Variants in ADK observed in about 807,000 individuals in gnomAD.
ADK encodes the protein N6,N6-dimethyladenosine kinase.
Under a neutral mutation model 44.7 loss-of-function variants are expected in ADK, and 24 were observed. That is an observed-to-expected ratio of 0.54 (90% CI 0.39 to 0.76). The LOEUF (loss-of-function observed/expected upper bound fraction) is 0.76, where lower values mean the gene tolerates loss of function less well. Ranked by LOEUF, ADK falls within the 30% of genes least tolerant of loss-of-function variation. ADK has a pLI of 0.00. For synonymous variants in ADK, 128 were observed against 142.6 expected (o/e 0.90, Z 0.73); for missense variants, 321 against 425.1 (o/e 0.76, Z 2.15).
chr10:74,540,282 C>A (rs893673442), intron 7 of ADK, among the ~76,000 whole-genome samples: 4 of 152,062 alleles, frequency 2.6e-5, no homozygotes, highest in African/African-American at 4.8e-5. Context: ...CGGAGATAAT[C>A]ATATTTTATG....
At chr10:74,622,427 T>TAAA (rs906694874) in intron 9 of ADK, among the ~76,000 whole-genome samples, 1 of 149,222 alleles carries the variant, frequency 6.7e-6, no homozygotes, top group East Asian at 2.0e-4. Context: ...CTTCTTTATT[T>TAAA]AAAAAAAAAA....
At chr10:74,638,367 A>G (rs1338191563) in intron 9 of ADK, among the ~76,000 whole-genome samples, 1 of 152,168 alleles carries the variant, frequency 6.6e-6, no homozygotes, top group African/African-American at 2.4e-5. Flanking sequence ...AATACTTTCA[A>G]TAAAGCTTTT....
chr10:74,505,044 G>A (rs916750770), intron 6 of ADK, among the ~76,000 whole-genome samples: 5 of 152,172 alleles, frequency 3.3e-5, no homozygotes, highest in Admixed American at 6.5e-5. Flanking sequence ...AGGCTGAAGA[G>A]GAGGGTGGGG....
chr10:74,545,987 T>A (rs1431317794), intron 7 of ADK, among the ~76,000 whole-genome samples: 1 of 152,196 alleles, frequency 6.6e-6, no homozygotes, highest in African/African-American at 2.4e-5. Flanking sequence ...CTTAGCAAGG[T>A]ATTAATGCAA....
At chr10:74,527,278 G>A (rs1040849587) in intron 7 of ADK, among the ~76,000 whole-genome samples, 2 of 151,886 alleles carry the variant, frequency 1.3e-5, no homozygotes, top group South Asian at 2.1e-4. Flanking sequence ...GGAGAATGGC[G>A]TGAACCCAGG....
At chr10:74,257,044 T>C (rs1185806002) in intron 3 of ADK, among the ~76,000 whole-genome samples, 3 of 152,214 alleles carry the variant, frequency 2.0e-5, no homozygotes, top group Admixed American at 2.0e-4. Flanking sequence ...TATCTTTAAT[T>C]TGTTAAATAA....
intron 3 of ADK, among the ~76,000 whole-genome samples, chr10:74,225,212 G>A (rs1159192445): frequency 3.3e-5 from 5 of 152,114 alleles, no homozygotes. Flanking sequence ...CAGGTAGCTG[G>A]GATTACAGGT....
intron 7 of ADK, among the ~76,000 whole-genome samples, chr10:74,576,038 A>G (rs115028134): frequency 0.011 from 1,677 of 152,276 alleles, 29 homozygotes; most frequent in African/African-American, 0.038. Context: ...ATATCTTACA[A>G]TGTTAAAGGA....
At chr10:74,493,883 T>C (rs1281494896) in intron 6 of ADK, among the ~76,000 whole-genome samples, 1 of 152,116 alleles carries the variant, frequency 6.6e-6, no homozygotes, top group Non-Finnish European at 1.5e-5. Flanking sequence ...CATATGTATG[T>C]GTATTTTTTT....
At chr10:74,455,201 G>A (rs1038522838) in intron 6 of ADK, among the ~76,000 whole-genome samples, 4 of 152,030 alleles carry the variant, frequency 2.6e-5, no homozygotes, top group African/African-American at 7.2e-5. Context: ...CTCACAAAAT[G>A]TTTGCTATAA....
chr10:74,453,658 C>G (rs1033145278), intron 6 of ADK, among the ~76,000 whole-genome samples: 1 of 151,994 alleles, frequency 6.6e-6, no homozygotes, highest in African/African-American at 2.4e-5. Flanking sequence ...TCTCTACTCT[C>G]CCCATGCTAT....
At chr10:74,660,729 CAAAAAA>C (rs747443907) in intron 9 of ADK, among the ~76,000 whole-genome samples, 2 of 92,886 alleles carry the variant, frequency 2.2e-5, no homozygotes, top group Non-Finnish European at 2.0e-5. Flanking sequence ...GACCCTGTCT[CAAAAAA>C]AAAAAAAAAA....
At chr10:74,291,900 G>A (rs1847453473) in intron 3 of ADK, among the ~76,000 whole-genome samples, 1 of 151,892 alleles carries the variant, frequency 6.6e-6, no homozygotes, top group South Asian at 2.1e-4. Flanking sequence ...AGGTAGCATG[G>A]AACAAAGAAA....
At chr10:74,655,291 C>CA (rs1747386100) in intron 9 of ADK, 3 of 465,798 alleles carry the variant, frequency 6.4e-6, no homozygotes, top group Non-Finnish European at 1.2e-5. Flanking sequence ...GAGAAGGGCC[C>CA]AGCTGAAATG....
intron 9 of ADK, among the ~76,000 whole-genome samples, chr10:74,658,608 A>T (rs1214184004): frequency 6.6e-6 from 1 of 151,636 alleles, no homozygotes; most frequent in Non-Finnish European, 1.5e-5. Context: ...GCTGGCTTTT[A>T]ATTTTTTTTG....
At chr10:74,435,143 G>T (rs1277006337) in intron 6 of ADK, among the ~76,000 whole-genome samples, 1 of 152,124 alleles carries the variant, frequency 6.6e-6, no homozygotes, top group East Asian at 1.9e-4. Context: ...ATTTGAGTTT[G>T]TATATTGTCT....
At chr10:74,345,213 T>C (rs2131886442) in intron 4 of ADK, among the ~76,000 whole-genome samples, 1 of 152,342 alleles carries the variant, frequency 6.6e-6, no homozygotes, top group Non-Finnish European at 1.5e-5. Context: ...GTCCATTTCA[T>C]CTAATAAATA....
intron 7 of ADK, among the ~76,000 whole-genome samples, chr10:74,541,794 A>ACCCCC (rs543189156): frequency 6.3e-5 from 4 of 63,730 alleles, no homozygotes; most frequent in Non-Finnish European, 8.6e-5. Flanking sequence ...ACCCCCACAC[A>ACCCCC]CCCCCCCCCC....
chr10:74,657,413 T>A (rs986486934), intron 9 of ADK, among the ~76,000 whole-genome samples: 2 of 152,232 alleles, frequency 1.3e-5, no homozygotes, highest in East Asian at 3.8e-4. Flanking sequence ...TTTCAAGCAA[T>A]TGTATGATTT....
Sources: allele counts gnomAD v4.1 joint callset (sites outside exome capture counted in the v4.1 genomes callset), GRCh38; gene constraint gnomAD v4.1.1; transcripts MANE v1.5; gene names NCBI Gene and HGNC (gene_info 2026-07-23, HGNC 2026-07-21).